KAZN: variants seen among roughly 807,000 people sequenced by gnomAD.
KAZN encodes the protein kazrin, periplakin interacting protein, also known as kazrin.
KAZN carries 40 observed loss-of-function variants against 87.4 expected under a neutral mutation model. The ratio of observed to expected loss-of-function variants is 0.46; its 90% CI spans 0.36 to 0.60. The LOEUF (loss-of-function observed/expected upper bound fraction) is 0.60, where lower values mean the gene tolerates loss of function less well. KAZN is among the 20% of genes least tolerant of loss of function. The pLI is 0.00. For missense variants in KAZN, 898 were observed against 1,073.9 expected (o/e 0.84, Z 2.29); for synonymous variants, 466 against 458.3 (o/e 1.02, Z -0.22).
chr1:14,875,585 C>T (rs938157663), intron 1 of KAZN, among the ~76,000 whole-genome samples: 2 of 152,040 alleles, frequency 1.3e-5, no homozygotes, highest in Non-Finnish European at 2.9e-5. Context: ...AGGCATGAGG[C>T]ACAGACCAGG....
chr1:14,255,135 A>AGAAG (rs561516534), intron 2 of KAZN, among the ~76,000 whole-genome samples: 5 of 140,654 alleles, frequency 3.6e-5, no homozygotes, highest in African/African-American at 1.2e-4. Flanking sequence ...AAAAAAAAAA[A>AGAAG]AAAAAGAAGA....
At chr1:14,234,166 T>C (rs912808655) in intron 2 of KAZN, among the ~76,000 whole-genome samples, 1 of 152,144 alleles carries the variant, frequency 6.6e-6, no homozygotes, top group Non-Finnish European at 1.5e-5. Flanking sequence ...CCATCAATGA[T>C]AGACTGGATA....
intron 1 of KAZN, among the ~76,000 whole-genome samples, chr1:14,772,901 T>A (rs1055052353): frequency 2.0e-5 from 3 of 152,068 alleles, no homozygotes; most frequent in African/African-American, 7.2e-5. Context: ...CACACCACAT[T>A]GGCCTTCTGT....
At chr1:15,002,229 G>A (rs1053856270) in intron 2 of KAZN, among the ~76,000 whole-genome samples, 4 of 152,138 alleles carry the variant, frequency 2.6e-5, no homozygotes, top group East Asian at 1.9e-4. Flanking sequence ...TCTCCCAGCC[G>A]AGGCTGGCCC....
intron 1 of KAZN, among the ~76,000 whole-genome samples, chr1:14,110,388 G>GTTA (rs1403290355): frequency 1.3e-5 from 2 of 152,150 alleles, no homozygotes; most frequent in Non-Finnish European, 2.9e-5. Context: ...AACTCTCTAA[G>GTTA]AATTTAGACT....
intron 2 of KAZN, among the ~76,000 whole-genome samples, chr1:14,465,770 G>T (rs1668091665): frequency 6.6e-6 from 1 of 152,158 alleles, no homozygotes; most frequent in Non-Finnish European, 1.5e-5. Context: ...AAATTCTGCT[G>T]TCCTGAATTA....
chr1:14,983,802 C>A (rs533146410), intron 2 of KAZN, among the ~76,000 whole-genome samples: 1 of 151,822 alleles, frequency 6.6e-6, no homozygotes, highest in Non-Finnish European at 1.5e-5. Flanking sequence ...ATAAGCTGGG[C>A]GTGGTGGCAC....
At chr1:14,300,225 G>A (rs1279107575) in intron 2 of KAZN, among the ~76,000 whole-genome samples, 2 of 151,818 alleles carry the variant, frequency 1.3e-5, no homozygotes, top group African/African-American at 4.8e-5. Context: ...AGCATTTGGG[G>A]CTTTATTCCA....
At chr1:14,880,445 G>A (rs1039825530) in intron 1 of KAZN, among the ~76,000 whole-genome samples, 1 of 152,142 alleles carries the variant, frequency 6.6e-6, no homozygotes, top group African/African-American at 2.4e-5. Flanking sequence ...CCCAAACTGA[G>A]TATAAAACAC....
chr1:15,107,507 C>T (rs1454707579), intron 13 of KAZN, among the ~76,000 whole-genome samples: 1 of 152,138 alleles, frequency 6.6e-6, no homozygotes, highest in Admixed American at 6.5e-5. Context: ...GGCTGTGTGA[C>T]CCTGGGCAAG....
chr1:14,003,444 A>T (rs1639895178), intron 1 of KAZN, among the ~76,000 whole-genome samples: 1 of 152,070 alleles, frequency 6.6e-6, no homozygotes, highest in African/African-American at 2.4e-5. Flanking sequence ...ATATAGAAAG[A>T]AGTGAAAATA....
At chr1:14,528,748 CAAAAAAA>C (rs36033087) in intron 2 of KAZN, among the ~76,000 whole-genome samples, 10 of 66,952 alleles carry the variant, frequency 1.5e-4, no homozygotes, top group Middle Eastern at 8.3e-3. Flanking sequence ...GACCCTGTCT[CAAAAAAA>C]AAAAAAAAAA....
intron 1 of KAZN, among the ~76,000 whole-genome samples, chr1:14,010,061 C>A (rs1316052582): frequency 6.6e-6 from 1 of 152,084 alleles, no homozygotes; most frequent in Admixed American, 6.5e-5. Flanking sequence ...TTTGTTGTTG[C>A]CATATCAGTA....
At chr1:14,562,746 G>T (rs1320198871) in intron 2 of KAZN, among the ~76,000 whole-genome samples, 2 of 152,192 alleles carry the variant, frequency 1.3e-5, no homozygotes, top group Non-Finnish European at 2.9e-5. Context: ...TGCAAGGAGT[G>T]CCCTGTGTTT....
intron 2 of KAZN, among the ~76,000 whole-genome samples, chr1:14,232,389 T>A (rs942812522): frequency 1.3e-5 from 2 of 152,186 alleles, no homozygotes; most frequent in African/African-American, 4.8e-5. Flanking sequence ...TTTAGACTCT[T>A]GCCAAAGCAT....
chr1:14,292,845 T>C lies in KAZN; in HGVS notation c.249+112253T>C, dbSNP rs1024019654. 2.0e-5 allele frequency among the ~76,000 whole-genome samples: 3 copies of C among 152,256 alleles called. No individual in the cohort carries two copies. In the East Asian group the frequency reaches 5.8e-4, roughly 29 times the overall value. ...TCCTCCAACCCCCTGAAGCTGATACTGCAGCCTTAGCTTTTGCTCTTGTAA... is the reference window on the plus strand; with the variant it reads ...TCCTCCAACCCCCTGAAGCTGATACCGCAGCCTTAGCTTTTGCTCTTGTAA... On this transcript the variant is annotated intron_variant, in intron 2 of 16. Coordinates refer to the KAZN transcript ENST00000636203.
At chr1:14,189,254 G>T (rs1330224395) in intron 2 of KAZN, among the ~76,000 whole-genome samples, 1 of 152,134 alleles carries the variant, frequency 6.6e-6, no homozygotes, top group Non-Finnish European at 1.5e-5. Context: ...GGCCAGCTTA[G>T]TAGCCCAGAG....
chr1:14,521,129 A>T (rs1199614655), intron 2 of KAZN, among the ~76,000 whole-genome samples: 1 of 152,170 alleles, frequency 6.6e-6, no homozygotes, highest in Non-Finnish European at 1.5e-5. Context: ...TTACAGGCAG[A>T]TGCTGAGGGA....
chr1:15,099,093 A>C lies in KAZN; in HGVS notation c.1548-2450A>C, dbSNP rs1226791829. Among the ~76,000 whole-genome samples, 1 of 152,116 alleles carries C rather than the reference A, an allele frequency of 6.6e-6. No individual in the cohort carries two copies. The highest frequency in any genetic ancestry group is 2.4e-5 in the African/African-American group (1 of 41,424). On this transcript the variant is annotated intron_variant, in intron 10 of 14. Transcript: ENST00000376030. This position sits in a 1 kb window ranked among gnomAD's most constrained non-coding sequence, Gnocchi z 5.4. ...GAGACCAGACGTCTCTGCAGAGTCC[A>C]TAGGAGTTCACTGGGGGAAGAGGGT...
Sources: gnomAD v4.1 joint callset for allele counts (sites outside exome capture counted in the v4.1 genomes callset) on GRCh38, gnomAD v4.1.1 for gene constraint, Gnocchi (gnomAD v3.1) non-coding constraint, MANE v1.5 for transcripts, NCBI Gene and HGNC (gene_info 2026-07-23, HGNC 2026-07-21) for gene names.